Variants in WTAP observed in about 807,000 individuals in gnomAD.
The protein encoded by WTAP is WT1 associated protein.
WTAP carries 8 observed loss-of-function variants against 50.0 expected under a neutral mutation model. That is an observed-to-expected ratio of 0.16 (90% CI 0.09 to 0.29). The LOEUF (loss-of-function observed/expected upper bound fraction) is 0.29, where lower values mean the gene tolerates loss of function less well. Ranked by LOEUF, WTAP falls within the 10% of genes least tolerant of loss-of-function variation. The pLI is 1.00. For missense variants in WTAP, 295 were observed against 470.7 expected, an observed-to-expected ratio of 0.63 and a Z score of 3.45; for synonymous variants, 194 against 169.0, an observed-to-expected ratio of 1.15 and a Z score of -1.15.
chr6:159,729,481 C>T (rs572615238), intron 1 of WTAP, among the ~76,000 whole-genome samples: 126 of 152,156 alleles, frequency 8.3e-4, no homozygotes, highest in Non-Finnish European at 1.4e-3. Context: ...TAAATATTTT[C>T]TGCCTTTGAA....
At chr6:159,728,361 C>T (rs1036785998) in intron 1 of WTAP, among the ~76,000 whole-genome samples, 1 of 151,764 alleles carries the variant, frequency 6.6e-6, no homozygotes, top group African/African-American at 2.4e-5. Context: ...GTTGTTTGAT[C>T]CCAAAGGATT....
intron 6 of WTAP, chr6:159,749,097 G>A (rs1779727971): frequency 1.0e-6 from 1 of 986,750 alleles, no homozygotes. Flanking sequence ...TTTATTCAAT[G>A]GTTTGTTCTT....
upstream of WTAP, chr6:159,726,906 C>A (rs947833048): frequency 9.9e-5 from 128 of 1,288,902 alleles, no homozygotes; most frequent in Non-Finnish European, 1.2e-4. Flanking sequence ...CGGCCTCTCT[C>A]TTGAGGTGGC....
chr6:159,742,063 T>A, intron 3 of WTAP, 25 bp from the exon 4 acceptor site: 1 of 1,534,640 alleles, frequency 6.5e-7, no homozygotes, highest in Non-Finnish European at 8.9e-7. Context: ...TCGTAACAAC[T>A]AATGTATGGA....
chr6:159,743,685 A>C lies in WTAP; in HGVS notation c.166A>C (p.Arg56=), dbSNP rs769039086. The change falls in exon 5 of 8, where the codon AGA becomes CGA. Residue 56 remains arginine (R), a synonymous_variant. Coordinates refer to ENST00000621533, the MANE Select transcript of WTAP (RefSeq NM_001270531.2). The stretch of plus-strand genomic sequence containing the variant: ...ATCAGCTAATGATGTAACTGGCCTA[A>C]GAGAGTCTGAAGAAAAACTAAAGCA... ...DLNSNDVTGL[R]ESEEKLKQQQ... is the part of the protein sequence containing the mutation. 5 of 1,612,956 alleles carry C rather than the reference A, an allele frequency of 3.1e-6. 1 individual carries two copies. In the South Asian group the frequency reaches 5.5e-5, roughly 18 times the overall value.
rs115193813 is a variant in WTAP at position 159,739,229 on chromosome 6, T to A, written c.86+184T>A. ...TAACACCGAGGAAAACGTAACACTTTAAAGAACTACTAGGAAGCTATAAGT... is the reference window on the plus strand; with the variant it reads ...TAACACCGAGGAAAACGTAACACTTAAAAGAACTACTAGGAAGCTATAAGT... On this transcript the variant is annotated intron_variant, in intron 3 of 7. Transcript: ENST00000621533. Among the ~76,000 whole-genome samples the A allele has an allele frequency of 5.2e-3, 789 of 152,344 alleles. 5 individuals carry two copies. The highest frequency in any genetic ancestry group is 0.018 in the African/African-American group (747 of 41,584).
At chr6:159,752,763 CTCT>C (rs1236874473) in intron 6 of WTAP, among the ~76,000 whole-genome samples, 1 of 152,176 alleles carries the variant, frequency 6.6e-6, no homozygotes, top group African/African-American at 2.4e-5. Flanking sequence ...CTCTCTCCTC[CTCT>C]TTTTTGAGAC....
Position 159,753,487 on chromosome 6 carries a change from G to A in WTAP, c.480G>A (p.Lys160=), listed in dbSNP as rs1319855779. 3.1e-6 allele frequency: 5 copies of A among 1,614,098 alleles called. No individual in the cohort carries two copies. Among genetic ancestry groups the A allele is most frequent in the African/African-American group, 2.7e-5 (2 of 74,940 alleles). Residue 160 remains lysine, a synonymous_variant, in exon 7 of 8, where the codon AAG becomes AAA. Transcript: ENST00000621533. ...DSQTGKKLMA[K]CRMLIQENQE... The stretch of plus-strand genomic sequence containing the variant: ...AAACAGGGAAAAAGTTAATGGCGAA[G>A]TGTCGAATGCTTATCCAGGAGAATC...
At position 159,755,111 on chromosome 6, in the gene WTAP, G is replaced by C; in HGVS notation, c.691G>C (p.Glu231Gln). Residue 231 changes from glutamate to glutamine, a missense_variant, in exon 8 of 8, where the codon GAG becomes CAG. Physicochemically the swap from Glu to Gln is conservative, Grantham distance 29. This residue lies in a region of WTAP where 120 missense variants were observed against 287.6 expected (regional missense o/e 0.42). Coordinates refer to ENST00000621533, the MANE Select transcript of WTAP (RefSeq NM_001270531.2). ...TCTAGTTCTGCAGCAGCAGCTGAAG[G>C]AGACACGCCAGCAGTTGGCTCAGTA... ...TILVLQQQLK[E>Q]TRQQLAQYQQ... 1 of 1,614,192 alleles carries C rather than the reference G, an allele frequency of 6.2e-7. No homozygotes were observed. Among genetic ancestry groups the C allele is most frequent in the Non-Finnish European group, 8.5e-7 (1 of 1,180,036 alleles).
At chr6:159,742,735 G>A (rs1199860199) in intron 4 of WTAP, among the ~76,000 whole-genome samples, 2 of 152,108 alleles carry the variant, frequency 1.3e-5, no homozygotes, top group Non-Finnish European at 2.9e-5. Flanking sequence ...TTGCGTGACT[G>A]TGTTACCCAT....
chr6:159,739,567 G>C (rs1290376693), intron 3 of WTAP, among the ~76,000 whole-genome samples: 1 of 152,164 alleles, frequency 6.6e-6, no homozygotes, highest in Non-Finnish European at 1.5e-5. Flanking sequence ...AATCTTTTTA[G>C]ATTGTGTAAG....
chr6:159,731,976 G>A (rs756042754), intron 1 of WTAP, among the ~76,000 whole-genome samples: 1 of 152,102 alleles, frequency 6.6e-6, no homozygotes, highest in Non-Finnish European at 1.5e-5. Context: ...TCTTTAAGAA[G>A]AGAGTAAGCA....
intron 4 of WTAP, 60 bp downstream of exon 4, chr6:159,742,206 A>ACTATCCTTTTGATTTT: frequency 7.2e-7 from 1 of 1,388,486 alleles, no homozygotes; most frequent in Non-Finnish European, 1.0e-6. Flanking sequence ...GTTAAAATCA[A>ACTATCCTTTTGATTTT]AAGGATAGTT....
At chr6:159,753,841 A>G (rs771277515) in intron 7 of WTAP, among the ~76,000 whole-genome samples, 1 of 152,098 alleles carries the variant, frequency 6.6e-6, no homozygotes, top group Non-Finnish European at 1.5e-5. Flanking sequence ...AATTTCTTAC[A>G]TTTTTGTTTT....
intron 3 of WTAP, 129 bp from the exon 4 acceptor site, chr6:159,741,959 C>T: frequency 1.4e-6 from 1 of 713,932 alleles, no homozygotes; most frequent in South Asian, 1.7e-5. Flanking sequence ...CTAAAAAAAA[C>T]TAGATTTAAA....
Position 159,738,963 on chromosome 6 carries a change from A to G in WTAP, c.31-27A>G, listed in dbSNP as rs772113538. 5 of 1,580,852 alleles carry G rather than the reference A, an allele frequency of 3.2e-6. No individual in the cohort carries two copies. In the East Asian group the frequency reaches 1.1e-4, roughly 36 times the overall value. On this transcript the variant is annotated intron_variant, in intron 2 of 7. Coordinates refer to ENST00000621533, the MANE Select transcript of WTAP (RefSeq NM_001270531.2). ...ACTTTGTGTCTTCAGGAAGAACACT[A>G]AATTCATATTGTAATTCTCTTTATA... is the stretch of plus-strand genomic sequence containing the variant.
chr6:159,751,661 G>A (rs2114954574), intron 6 of WTAP, among the ~76,000 whole-genome samples: 1 of 152,308 alleles, frequency 6.6e-6, no homozygotes, highest in South Asian at 2.1e-4. Flanking sequence ...GCTCACTGGT[G>A]GCTTTCACCC....
At chr6:159,754,817 A>G (rs1047100982) in intron 7 of WTAP, among the ~76,000 whole-genome samples, 3 of 152,148 alleles carry the variant, frequency 2.0e-5, no homozygotes, top group African/African-American at 7.2e-5. Flanking sequence ...TGGAGGGCCA[A>G]CTGTATATTA....
At chr6:159,727,056 T>A, upstream of WTAP, 7 of 1,215,272 alleles carry the variant, frequency 5.8e-6, no homozygotes, top group Non-Finnish European at 6.3e-6. Flanking sequence ...ACTTCCACCT[T>A]CCCTTCCCGT....
Sources: gnomAD v4.1 joint callset for allele counts (sites outside exome capture counted in the v4.1 genomes callset) on GRCh38, gnomAD v4.1.1 for gene constraint, gnomAD v4.1.1 regional missense constraint, MANE v1.5 for transcripts, NCBI Gene and HGNC (gene_info 2026-07-23, HGNC 2026-07-21) for gene names.